PTPN22: variants seen among roughly 807,000 people sequenced by gnomAD.
PTPN22 encodes the protein protein tyrosine phosphatase non-receptor type 22.
A neutral mutation model predicts 103.3 loss-of-function variants in PTPN22; 85 were observed. That is an observed-to-expected ratio of 0.82 (90% CI 0.69 to 0.99). The LOEUF (loss-of-function observed/expected upper bound fraction) is 0.99, where lower values mean the gene tolerates loss of function less well. Ranked by LOEUF, PTPN22 falls within the 50% of genes least tolerant of loss-of-function variation. PTPN22 has a pLI of 0.00. For missense variants in PTPN22, 865 were observed against 936.9 expected (o/e 0.92, Z 1.00); for synonymous variants, 323 against 310.2 (o/e 1.04, Z -0.43).
chr1:113,814,861 G>A, exon 21 of PTPN22: 1 of 1,364,462 alleles, frequency 7.3e-7, no homozygotes, highest in South Asian at 1.2e-5. Context: ...AGTTTTATTT[G>A]CAGGTGTACT....
At chr1:113,821,551 T>G (rs1253851077) in intron 19 of PTPN22, among the ~76,000 whole-genome samples, 1 of 152,210 alleles carries the variant, frequency 6.6e-6, no homozygotes, top group Non-Finnish European at 1.5e-5. Context: ...CTCAAACTCC[T>G]GACCTCGTGA....
chr1:113,837,979 G>C (rs528158230), exon 13 of PTPN22: 1 of 1,614,098 alleles, frequency 6.2e-7, no homozygotes, highest in Non-Finnish European at 8.5e-7. Flanking sequence ...ATGTGGTTGA[G>C]ATTCCAAATA....
chr1:113,823,753 C>T (rs1661811422), intron 19 of PTPN22, among the ~76,000 whole-genome samples: 1 of 152,210 alleles, frequency 6.6e-6, no homozygotes, highest in Non-Finnish European at 1.5e-5. Flanking sequence ...TTGCACTTGG[C>T]TGTTTTATTT....
intron 1 of PTPN22, among the ~76,000 whole-genome samples, chr1:113,868,387 G>A (rs1666296082): frequency 1.3e-5 from 2 of 152,280 alleles, no homozygotes; most frequent in East Asian, 3.9e-4. Flanking sequence ...AAAATCCTGG[G>A]AGAATACATT....
intron 1 of PTPN22, among the ~76,000 whole-genome samples, chr1:113,863,073 A>C (rs1665757564): frequency 6.6e-6 from 1 of 152,142 alleles, no homozygotes. Context: ...AGAAAATGGC[A>C]AGAAATGTGT....
At chr1:113,828,104 A>T (rs1662245718) in intron 18 of PTPN22, among the ~76,000 whole-genome samples, 1 of 152,058 alleles carries the variant, frequency 6.6e-6, no homozygotes, top group Non-Finnish European at 1.5e-5. Flanking sequence ...GGGGGTTATT[A>T]TTTTCTATGA....
rs1665360729 is a variant in PTPN22 at position 113,859,262 on chromosome 1, A to G, written c.196+90T>C. 17 of 1,538,206 alleles carry G rather than the reference A, an allele frequency of 1.1e-5. 1 individual carries two copies. In the South Asian group the frequency reaches 1.7e-4, roughly 16 times the overall value. On this transcript the variant is annotated intron_variant, in intron 2 of 20. Coordinates refer to ENST00000359785, the Ensembl canonical transcript of PTPN22. ...ACTAAGTTGTCAATGCCATGTTCCA[A>G]GATCAGGATCAGTAAGCAATGGGTA... is the stretch of plus-strand genomic sequence containing the variant.
chr1:113,858,430 T>C, intron 4 of PTPN22, 48 bp downstream of exon 4: 1 of 1,384,408 alleles, frequency 7.2e-7, no homozygotes, highest in Non-Finnish European at 9.9e-7. Context: ...AAAAGCACTG[T>C]TTTTAATAAA....
intron 1 of PTPN22, among the ~76,000 whole-genome samples, chr1:113,861,674 C>CGG (rs1665615238): frequency 6.6e-6 from 1 of 152,110 alleles, no homozygotes; most frequent in African/African-American, 2.4e-5. Context: ...CCACCGCGCC[C>CGG]GGCAGGCTTC....
Position 113,838,715 on chromosome 1 carries a change from A to G in PTPN22, c.916-95T>C, listed in dbSNP as rs1303428876. Reference sequence around the variant, plus strand: ...AGGCTGAAAAGTAATTTTTCAGGAAATAAAAAGATTTAAAATAATTCATGA... The same window carrying G: ...AGGCTGAAAAGTAATTTTTCAGGAAGTAAAAAGATTTAAAATAATTCATGA... On this transcript the variant is annotated intron_variant, in intron 11 of 20. Transcript: ENST00000359785. 3.4e-6 allele frequency: 5 copies of G among 1,481,540 alleles called. No homozygotes were observed. In the East Asian group the frequency reaches 1.2e-4, roughly 36 times the overall value. The allele number at this position is 1,481,540 out of a possible 1,614,324, so 91.8% of individuals were successfully genotyped here. A position where few individuals can be genotyped will look rare whatever the true frequency, so the allele number is the denominator to read the frequency against.
chr1:113,814,949 T>C, exon 21 of PTPN22: 1 of 1,607,670 alleles, frequency 6.2e-7, no homozygotes, highest in Non-Finnish European at 8.5e-7. Flanking sequence ...CCTTTGGGTT[T>C]TGAAAAACGG....
intron 19 of PTPN22, among the ~76,000 whole-genome samples, chr1:113,823,888 A>G (rs1235537145): frequency 6.6e-6 from 1 of 152,182 alleles, no homozygotes; most frequent in Admixed American, 6.5e-5. Context: ...GATCAGCTAT[A>G]ATGGCAGTGA....
chr1:113,825,118 T>C, intron 19 of PTPN22, 24 bp downstream of exon 19: 1 of 1,442,200 alleles, frequency 6.9e-7, no homozygotes, highest in East Asian at 2.3e-5. Flanking sequence ...AAAACGATAT[T>C]TTTAAACATA....
chr1:113,847,692 C>A (rs1440447318), intron 11 of PTPN22, among the ~76,000 whole-genome samples: 1 of 151,790 alleles, frequency 6.6e-6, no homozygotes, highest in African/African-American at 2.4e-5. Flanking sequence ...GATTCTCATG[C>A]CTCAGCCTCC....
At chr1:113,862,243 A>G (rs1665677717) in intron 1 of PTPN22, among the ~76,000 whole-genome samples, 1 of 152,140 alleles carries the variant, frequency 6.6e-6, no homozygotes, top group South Asian at 2.1e-4. Context: ...AGATCACACC[A>G]CTGCACTCCA....
chr1:113,823,502 T>C (rs924298791), intron 19 of PTPN22: 8 of 152,284 alleles, frequency 5.3e-5, no homozygotes, highest in Admixed American at 2.0e-4. Context: ...AGGATCAAGG[T>C]AACTGAAAAA....
chr1:113,814,046 C>A (rs1252220030), exon 21 of PTPN22: 2 of 152,230 alleles, frequency 1.3e-5, no homozygotes, highest in Non-Finnish European at 2.9e-5. Flanking sequence ...AAAACAATTA[C>A]CTGCCAATTT....
chr1:113,838,326 A>G lies in PTPN22; in HGVS notation c.1074T>C (p.Thr358=), dbSNP rs1315678059. The stretch of plus-strand genomic sequence containing the variant: ...GCTCTTCTTTTGCACTTATTTCAGA[A>G]GTCCTAAAGTCAAAGGAAGAAGATT... The change falls in exon 13 of 21, where the codon ACT becomes ACC. Residue 358 remains threonine (T), a synonymous_variant. Transcript: ENST00000359785. 4 of 1,609,086 alleles carry G rather than the reference A, an allele frequency of 2.5e-6. No homozygotes were observed. In the South Asian group the frequency reaches 4.5e-5, roughly 18 times the overall value.
At chr1:113,849,602 T>TG (rs1664381897) in intron 10 of PTPN22, among the ~76,000 whole-genome samples, 1 of 151,820 alleles carries the variant, frequency 6.6e-6, no homozygotes, top group Non-Finnish European at 1.5e-5. Context: ...TTATTTTTTT[T>TG]TTTGAGACAC....
Sources: gnomAD v4.1 joint callset for allele counts (sites outside exome capture counted in the v4.1 genomes callset) on GRCh38, gnomAD v4.1.1 for gene constraint, MANE v1.5 for transcripts, NCBI Gene and HGNC (gene_info 2026-07-23, HGNC 2026-07-21) for gene names.